Variants in ADAM18 observed in about 807,000 individuals in gnomAD.
ADAM18 encodes the protein ADAM metallopeptidase domain 18.
Under a neutral mutation model 94.4 loss-of-function variants are expected in ADAM18, and 117 were observed. The observed-to-expected ratio is 1.24, with a 90% CI of 1.07 to 1.45. The LOEUF is 1.45. Ranked by LOEUF, ADAM18 falls within the 40% of genes most tolerant of loss-of-function variation. ADAM18 has a pLI of 0.00. For synonymous variants in ADAM18, 327 were observed against 291.6 expected (o/e 1.12, Z -1.24); for missense variants, 936 against 880.0 (o/e 1.06, Z -0.81).
intron 14 of ADAM18, 135 bp downstream of exon 14, chr8:39,668,331 GA>G: frequency 1.8e-5 from 15 of 822,552 alleles, no homozygotes; most frequent in Non-Finnish European, 2.7e-5. Flanking sequence ...AGTTAAAGAA[GA>G]GTAGTTTTTT....
At chr8:39,611,922 A>G (rs1226367548) in intron 6 of ADAM18, among the ~76,000 whole-genome samples, 1 of 152,240 alleles carries the variant, frequency 6.6e-6, no homozygotes, top group Non-Finnish European at 1.5e-5. Context: ...CTAAAAGTGG[A>G]AAGCAAGAAA....
intron 6 of ADAM18, among the ~76,000 whole-genome samples, chr8:39,627,937 T>A (rs1014530427): frequency 6.6e-6 from 1 of 152,090 alleles, no homozygotes; most frequent in Admixed American, 6.6e-5. Flanking sequence ...AGCATTTGGT[T>A]GTCTGAAAAA....
chr8:39,622,919 A>G (rs538466864), intron 6 of ADAM18, among the ~76,000 whole-genome samples: 3 of 152,082 alleles, frequency 2.0e-5, no homozygotes, highest in African/African-American at 4.8e-5. Flanking sequence ...ATGAGGGGAC[A>G]GTTACATGGA....
chr8:39,728,088 G>C (rs1490123292), intron 19 of ADAM18, among the ~76,000 whole-genome samples: 1 of 151,864 alleles, frequency 6.6e-6, no homozygotes, highest in African/African-American at 2.4e-5. Context: ...GGTGAGGATG[G>C]TACCACACAC....
At chr8:39,655,729 A>C (rs114586734) in intron 12 of ADAM18, among the ~76,000 whole-genome samples, 2,899 of 152,212 alleles carry the variant, frequency 0.019, 87 homozygotes, top group African/African-American at 0.066. Context: ...CATTGTATGC[A>C]TGAAAACCCA....
intron 17 of ADAM18, among the ~76,000 whole-genome samples, chr8:39,696,131 A>G (rs991619494): frequency 5.3e-5 from 8 of 151,384 alleles, no homozygotes; most frequent in Non-Finnish European, 1.5e-5. Context: ...TTTGATTTCC[A>G]TTTCCCTAGT....
intron 6 of ADAM18, among the ~76,000 whole-genome samples, chr8:39,618,337 G>T (rs896956323): frequency 6.6e-6 from 1 of 152,074 alleles, no homozygotes; most frequent in African/African-American, 2.4e-5. Context: ...TAAGGGTGGG[G>T]GTAGGTTAGT....
At chr8:39,626,414 C>T (rs1448006796) in intron 6 of ADAM18, among the ~76,000 whole-genome samples, 3 of 151,088 alleles carry the variant, frequency 2.0e-5, no homozygotes, top group Non-Finnish European at 2.9e-5. Context: ...AAACCTGCTC[C>T]GATCTTTGTT....
At chr8:39,697,930 A>T (rs752083815) in intron 17 of ADAM18, among the ~76,000 whole-genome samples, 1 of 151,808 alleles carries the variant, frequency 6.6e-6, no homozygotes, top group Non-Finnish European at 1.5e-5. Flanking sequence ...TGTAGTTTTC[A>T]TCATACTCGT....
intron 12 of ADAM18, among the ~76,000 whole-genome samples, chr8:39,657,701 G>A (rs1820726469): frequency 1.3e-5 from 2 of 152,108 alleles, no homozygotes. Flanking sequence ...ATCTCTTCTA[G>A]AAGTGTATTC....
chr8:39,610,634 A>G lies in ADAM18; in HGVS notation c.450A>G (p.Val150=). 6.2e-7 allele frequency: 1 copy of G among 1,613,160 alleles called. No individual in the cohort carries two copies. The highest frequency in any genetic ancestry group is 8.5e-7 in the Non-Finnish European group (1 of 1,179,412). ...IYQMKNNDPN[V]SILAVNYSHI... ...AAATGAAAAATAATGATCCAAATGT[A>G]TCCATTTTAGCAGTAAATTACAGTC... The change falls in exon 6 of 20, where the codon GTA becomes GTG. Residue 150 remains valine (V), a synonymous_variant. Transcript: ENST00000265707.
chr8:39,690,972 T>C lies in ADAM18; in HGVS notation c.1822-1628T>C, dbSNP rs60649143. 2.8e-3 allele frequency among the ~76,000 whole-genome samples: 424 copies of C among 152,236 alleles called. 2 individuals are homozygous for C. The highest frequency in any genetic ancestry group is 9.5e-3 in the African/African-American group (394 of 41,542). On this transcript the variant is annotated intron_variant, in intron 16 of 19. Transcript: ENST00000265707. Reference sequence around the variant, plus strand: ...TGGAATCAACCTTGAAGCCCATCAATAGTAGATTGGATTTTTAAAAATGTA... The same window carrying C: ...TGGAATCAACCTTGAAGCCCATCAACAGTAGATTGGATTTTTAAAAATGTA...
intron 2 of ADAM18, among the ~76,000 whole-genome samples, chr8:39,587,387 C>T (rs552418967): frequency 1.9e-3 from 296 of 152,270 alleles, no homozygotes; most frequent in South Asian, 2.3e-3. Context: ...CTATTTCTCT[C>T]GACCCAGACC....
At chr8:39,692,065 G>A (rs921889578) in intron 16 of ADAM18, among the ~76,000 whole-genome samples, 8 of 151,722 alleles carry the variant, frequency 5.3e-5, no homozygotes, top group African/African-American at 1.9e-4. Flanking sequence ...ACATATCTGG[G>A]TGATTATTCA....
intron 13 of ADAM18, 37 bp downstream of exon 13, chr8:39,663,927 G>A: frequency 7.3e-7 from 1 of 1,369,300 alleles, no homozygotes; most frequent in Non-Finnish European, 1.0e-6. Context: ...AAATTGAACT[G>A]TGGTAAGAGA....
chr8:39,653,306 A>AT (rs1820590098), intron 12 of ADAM18, among the ~76,000 whole-genome samples: 1 of 152,186 alleles, frequency 6.6e-6, no homozygotes, highest in Non-Finnish European at 1.5e-5. Flanking sequence ...TAAAAAATGT[A>AT]TTTTTAAAAA....
intron 12 of ADAM18, among the ~76,000 whole-genome samples, chr8:39,655,726 T>C (rs533890210): frequency 1.2e-4 from 18 of 152,218 alleles, no homozygotes; most frequent in Admixed American, 7.2e-4. Flanking sequence ...TATCATTGTA[T>C]GCATGAAAAC....
chr8:39,607,787 C>A (rs1437465920), intron 3 of ADAM18, among the ~76,000 whole-genome samples: 1 of 149,206 alleles, frequency 6.7e-6, no homozygotes, highest in Admixed American at 6.7e-5. Flanking sequence ...TCTTAGAGTA[C>A]TCCATAGTAT....
chr8:39,609,655 T>G, intron 5 of ADAM18, 94 bp downstream of exon 5: 1 of 821,568 alleles, frequency 1.2e-6, no homozygotes, highest in East Asian at 2.6e-5. Flanking sequence ...CATGGAAGTT[T>G]AAGGGAAATC....
Sources: allele counts gnomAD v4.1 joint callset (sites outside exome capture counted in the v4.1 genomes callset), GRCh38; gene constraint gnomAD v4.1.1; transcripts MANE v1.5; gene names NCBI Gene and HGNC (gene_info 2026-07-23, HGNC 2026-07-21).